The following SKOR2 variants were observed in gnomAD, a reference collection of about 807,000 sequenced individuals.
SKOR2 encodes LBX1 corepressor 1-like protein.
SKOR2 carries 47 observed loss-of-function variants against 69.1 expected under a neutral mutation model. That is an observed-to-expected ratio of 0.68 (90% CI 0.54 to 0.87). The LOEUF is 0.87. SKOR2 is among the 40% of genes least tolerant of loss of function. The pLI, the probability that SKOR2 is intolerant of heterozygous loss-of-function variation, is 0.00. For synonymous variants in SKOR2, 717 were observed against 672.6 expected (o/e 1.07, Z -1.02); for missense variants, 1,404 against 1,472.2 (o/e 0.95, Z 0.76).
intron 6 of SKOR2, 149 bp from the exon 7 acceptor site, chr18:47,220,159 ATGT>A: frequency 1.6e-6 from 1 of 627,848 alleles, no homozygotes; most frequent in Non-Finnish European, 2.7e-6. Flanking sequence ...TGTTTGAAGA[ATGT>A]TTTCAACACT....
At chr18:47,226,214 C>A (rs967043525) in intron 6 of SKOR2, among the ~76,000 whole-genome samples, 1 of 152,094 alleles carries the variant, frequency 6.6e-6, no homozygotes, top group East Asian at 1.9e-4. Context: ...GCATAGGGTG[C>A]TGGAGGAAAA....
chr18:47,220,955 C>T (rs1325835211), intron 6 of SKOR2, among the ~76,000 whole-genome samples: 1 of 152,120 alleles, frequency 6.6e-6, no homozygotes, highest in Admixed American at 6.5e-5. Flanking sequence ...ATTCTCCCCT[C>T]TTTGCCATTG....
At chr18:47,224,166 C>G (rs1600030616) in intron 6 of SKOR2, among the ~76,000 whole-genome samples, 1 of 152,044 alleles carries the variant, frequency 6.6e-6, no homozygotes, top group African/African-American at 2.4e-5. Context: ...CCTTGGCCTC[C>G]CAAAGTACTG....
intron 4 of SKOR2, 113 bp downstream of exon 4, chr18:47,244,795 G>C: frequency 1.1e-6 from 1 of 929,674 alleles, no homozygotes; most frequent in Non-Finnish European, 1.5e-6. Flanking sequence ...ATATCTACTA[G>C]GAATTGTTTT....
At position 47,247,615 on chromosome 18, in the gene SKOR2, G is replaced by C; in HGVS notation, c.1569C>G (p.Ala523=). The part of the protein sequence containing the change: ...LAEPGGAAGS[A]EAAPPPGQPP... ...GCTGCCCCGGCGGGGGCGCGGCCTCGGCGCTCCCAGCAGCACCGCCTGGCT... is the reference window on the plus strand; with the variant it reads ...GCTGCCCCGGCGGGGGCGCGGCCTCCGCGCTCCCAGCAGCACCGCCTGGCT... Residue 523 remains alanine (A), a synonymous_variant, in exon 2 of 9, where the codon GCC becomes GCG. Transcript: ENST00000425639. The surrounding 1 kb of genome is among the most constrained non-coding windows in gnomAD (Gnocchi z 6.6). The C allele has an allele frequency of 3.9e-6, 5 of 1,280,364 alleles. No individual in the cohort carries two copies. Among genetic ancestry groups the C allele is most frequent in the Non-Finnish European group, 4.9e-6 (5 of 1,016,440 alleles). The allele number at this position is 1,280,364 out of a possible 1,614,324, so 79.3% of individuals were successfully genotyped here.
intron 7 of SKOR2, among the ~76,000 whole-genome samples, chr18:47,212,721 T>A (rs1360079781): frequency 6.6e-6 from 1 of 152,090 alleles, no homozygotes; most frequent in African/African-American, 2.4e-5. Context: ...ACCTGTAATC[T>A]CAGCACTTTG....
In SKOR2 at chr18:47,248,073, C is replaced by A; in HGVS notation, c.1111G>T (p.Gly371Trp). 7.1e-7 allele frequency: 1 copy of A among 1,402,010 alleles called. No homozygotes were observed. Among genetic ancestry groups the A allele is most frequent in the East Asian group, 3.1e-5 (1 of 32,036 alleles). The allele number at this position is 1,402,010 out of a possible 1,614,324, so 86.8% of individuals were successfully genotyped here. A position where few individuals can be genotyped will look rare whatever the true frequency, so the allele number is the denominator to read the frequency against. ...GVGAGAGAGA[G>W]AGAKGPRSYP... ...CTGCGCGGGCCTTTGGCCCCTGCCC[C>A]GGCACCCGCCCCCGCGCCCGCGCCC... The change falls in exon 2 of 9, where the codon GGG becomes TGG. Residue 371 changes from glycine to tryptophan, a missense_variant. Transcript: ENST00000425639. The surrounding 1 kb of genome is among the most constrained non-coding windows in gnomAD (Gnocchi z 6.4).
intron 4 of SKOR2, among the ~76,000 whole-genome samples, chr18:47,234,885 T>G (rs369142438): frequency 0.018 from 1,584 of 87,040 alleles, no homozygotes; most frequent in Middle Eastern, 0.037. Flanking sequence ...AGAGAGGGGG[T>G]GGGGGGAAGC....
chr18:47,214,029 C>A (rs1258161809), intron 7 of SKOR2, among the ~76,000 whole-genome samples: 27 of 152,128 alleles, frequency 1.8e-4, no homozygotes, highest in Admixed American at 1.8e-3. Context: ...ACAAGGAGTT[C>A]CAATAAAATG....
At position 47,245,434 on chromosome 18, in the gene SKOR2, G is replaced by A; in HGVS notation, c.2677+64C>T. ...GGGTAGGTGAGGAGGCTGGGCATAA[G>A]TCTCACAGAAATGGTTAAATGCAGG... is the stretch of plus-strand genomic sequence containing the variant. On this transcript the variant is annotated intron_variant, in intron 3 of 8. Coordinates refer to ENST00000425639, the MANE Select transcript of SKOR2 (RefSeq NM_001278063.4). 7.9e-6 allele frequency: 11 copies of A among 1,394,990 alleles called. No individual in the cohort carries two copies. The South Asian group carries it at 8.9e-5, about 11-fold the overall frequency. 86.4% of individuals were successfully genotyped at this position (1,394,990 alleles called of 1,614,324 possible).
intron 4 of SKOR2, among the ~76,000 whole-genome samples, chr18:47,244,410 C>T (rs988905843): frequency 6.6e-6 from 1 of 152,216 alleles, no homozygotes; most frequent in East Asian, 1.9e-4. Context: ...CTTCTAATCA[C>T]GTCTTTCCCA....
chr18:47,250,082 C>T (rs2064306013), intron 1 of SKOR2, among the ~76,000 whole-genome samples: 1 of 152,168 alleles, frequency 6.6e-6, no homozygotes, highest in Admixed American at 6.5e-5. Context: ...AAACAGTACA[C>T]AGGAATGAAC....
At chr18:47,217,887 A>AATTTGCT (rs1429592559) in intron 7 of SKOR2, among the ~76,000 whole-genome samples, 21 of 152,156 alleles carry the variant, frequency 1.4e-4, no homozygotes, top group Non-Finnish European at 2.2e-4. Context: ...CAAATTATTT[A>AATTTGCT]ATTTGCTACC....
At position 47,248,599 on chromosome 18, in the gene SKOR2, G is replaced by C. The variant is rs977684013; in HGVS notation, c.585C>G (p.Asp195Glu). The C allele has an allele frequency of 2.6e-6, 4 of 1,542,492 alleles. No homozygotes were observed. Among genetic ancestry groups the C allele is most frequent in the Non-Finnish European group, 3.5e-6 (4 of 1,149,242 alleles). ...CTGCGTCTGGCTGAGTGTACTTGGC[G>C]TCGGGCGTGCGGTGGGAGTGGAAAA... Reference protein sequence around the residue: ...KFIFHSHRTPDAKYTQPDAAN... With the variant: ...KFIFHSHRTPEAKYTQPDAAN... Residue 195 changes from aspartate (D) to glutamate (E), a missense_variant, in exon 2 of 9, where the codon GAC becomes GAG. Physicochemically the swap from Asp to Glu is conservative, Grantham distance 45. Around this residue, in one of 3 missense-constraint regions of SKOR2, gnomAD observed 1,266 missense variants for 1,309.9 expected, o/e 0.97. Transcript: ENST00000425639. This position sits in a 1 kb window ranked among gnomAD's most constrained non-coding sequence, Gnocchi z 6.4.
At chr18:47,225,774 G>A (rs1344766979) in intron 6 of SKOR2, among the ~76,000 whole-genome samples, 4 of 152,144 alleles carry the variant, frequency 2.6e-5, no homozygotes, top group African/African-American at 4.8e-5. Context: ...AGAGGAACAC[G>A]GTGTGCAGAG....
Position 47,247,213 on chromosome 18 carries a change from A to T in SKOR2, c.1971T>A (p.His657Gln), listed in dbSNP as rs1236482760. The T allele has an allele frequency of 2.8e-6, 4 of 1,420,696 alleles. No individual in the cohort carries two copies. The highest frequency in any genetic ancestry group is 1.5e-5 in the African/African-American group (1 of 66,476). The allele number at this position is 1,420,696 out of a possible 1,614,324, so 88.0% of individuals were successfully genotyped here. The change falls in exon 2 of 9, where the codon CAT (histidine) becomes CAA (glutamine). Residue 657 changes from histidine (H) to glutamine (Q), a missense_variant. Transcript: ENST00000425639. This position sits in a 1 kb window ranked among gnomAD's most constrained non-coding sequence, Gnocchi z 6.6. ...GGTGGTGGTGGTGGTGAGGGTGGTG[A>T]TGGTGGTGGGGATGCGTCTGGGCCG... Reference protein sequence around the residue: ...PHSAQTHPHHHHHPHHHHHHH... With the variant: ...PHSAQTHPHHQHHPHHHHHHH...
intron 6 of SKOR2, among the ~76,000 whole-genome samples, chr18:47,229,411 TG>T: frequency 6.6e-6 from 1 of 152,294 alleles, no homozygotes; most frequent in South Asian, 2.1e-4. Flanking sequence ...CCCAGCACTT[TG>T]GGAGGCCGAG....
At chr18:47,213,581 A>G (rs2064134557) in intron 7 of SKOR2, among the ~76,000 whole-genome samples, 1 of 151,968 alleles carries the variant, frequency 6.6e-6, no homozygotes. Flanking sequence ...CAGCTGAATC[A>G]AACAGTCTTT....
chr18:47,239,983 A>T (rs1418931046), intron 4 of SKOR2, among the ~76,000 whole-genome samples: 2 of 62,840 alleles, frequency 3.2e-5, no homozygotes, highest in Admixed American at 1.7e-4. Flanking sequence ...GCTTTTTTTT[A>T]AAAAAATCAT....
Sources: gnomAD v4.1 joint callset for allele counts (sites outside exome capture counted in the v4.1 genomes callset) on GRCh38, gnomAD v4.1.1 for gene constraint, gnomAD v4.1.1 regional missense constraint, Gnocchi (gnomAD v3.1) non-coding constraint, MANE v1.5 for transcripts, NCBI Gene and HGNC (gene_info 2026-07-23, HGNC 2026-07-21) for gene names.